The following EPS15 variants were observed in gnomAD, a reference collection of about 807,000 sequenced individuals.
The protein encoded by EPS15 is epidermal growth factor receptor pathway substrate 15, also known as epidermal growth factor receptor substrate 15.
EPS15 carries 72 observed loss-of-function variants against 113.8 expected under a neutral mutation model. The observed-to-expected ratio is 0.63, with a 90% CI of 0.52 to 0.77. EPS15 has a LOEUF of 0.77. Ranked by LOEUF, EPS15 falls within the 30% of genes least tolerant of loss-of-function variation. The pLI is 0.00. For synonymous variants in EPS15, 344 were observed against 363.4 expected (o/e 0.95, Z 0.61); for missense variants, 1,048 against 1,045.8 (o/e 1.00, Z -0.03).
At chr1:51,514,114 T>TA (rs1212668931) in intron 1 of EPS15, among the ~76,000 whole-genome samples, 2 of 152,086 alleles carry the variant, frequency 1.3e-5, no homozygotes, top group Non-Finnish European at 2.9e-5. Context: ...TTTGTCTAAA[T>TA]AAAAAAAGTT....
intron 1 of EPS15, chr1:51,518,429 C>G (rs570208010): frequency 2.6e-5 from 4 of 152,502 alleles, no homozygotes; most frequent in African/African-American, 9.7e-5. Flanking sequence ...AAGGGATCCA[C>G]CTGGACAGCG....
At chr1:51,394,225 T>C (rs1647676350) in intron 21 of EPS15, 156 bp downstream of exon 21, 2 of 498,532 alleles carry the variant, frequency 4.0e-6, no homozygotes, top group East Asian at 3.2e-5. Context: ...TAGAAAGTGA[T>C]ATACAAATGC....
chr1:51,385,802 A>G (rs941727316), intron 21 of EPS15, among the ~76,000 whole-genome samples: 3 of 152,214 alleles, frequency 2.0e-5, no homozygotes, highest in Non-Finnish European at 4.4e-5. Flanking sequence ...GTCAATCACC[A>G]AAATATGAAT....
At chr1:51,465,484 T>C (rs1450811146) in intron 5 of EPS15, among the ~76,000 whole-genome samples, 158 bp from the exon 6 acceptor site, 1 of 152,198 alleles carries the variant, frequency 6.6e-6, no homozygotes, top group East Asian at 1.9e-4. Flanking sequence ...TAAATAACAA[T>C]GAAACAAAGT....
intron 1 of EPS15, among the ~76,000 whole-genome samples, chr1:51,504,123 T>C (rs1163093640): frequency 6.6e-6 from 1 of 152,114 alleles, no homozygotes; most frequent in Non-Finnish European, 1.5e-5. Flanking sequence ...AATTATAAAC[T>C]TCAGGCCAGG....
At chr1:51,357,376 G>GAAAAAAAAAA (rs56655497) in intron 24 of EPS15, among the ~76,000 whole-genome samples, 1 of 33,120 alleles carries the variant, frequency 3.0e-5, no homozygotes, top group African/African-American at 1.9e-4. Context: ...GATTCCATCT[G>GAAAAAAAAAA]AAAAAAAAAA....
chr1:51,384,300 T>C (rs1360446736), intron 21 of EPS15, among the ~76,000 whole-genome samples: 3 of 141,266 alleles, frequency 2.1e-5, no homozygotes, highest in Admixed American at 7.0e-5. Context: ...CTTTCTTTCT[T>C]TTTTTTTTTT....
chr1:51,472,703 G>A (rs1216015856), intron 3 of EPS15, among the ~76,000 whole-genome samples, 156 bp downstream of exon 3: 2 of 152,130 alleles, frequency 1.3e-5, no homozygotes, highest in African/African-American at 2.4e-5. Flanking sequence ...AAATCACTAC[G>A]CTACAAATTC....
intron 19 of EPS15, among the ~76,000 whole-genome samples, chr1:51,399,793 C>T (rs1195084983): frequency 6.6e-6 from 1 of 151,720 alleles, no homozygotes; most frequent in South Asian, 2.1e-4. Flanking sequence ...GCATGGGAGG[C>T]GGAGGTTGCA....
chr1:51,363,660 G>A (rs1646439949), intron 23 of EPS15, among the ~76,000 whole-genome samples: 1 of 152,200 alleles, frequency 6.6e-6, no homozygotes, highest in Non-Finnish European at 1.5e-5. Context: ...TTAGCAGAAA[G>A]ACAGCTCATG....
Position 51,361,294 on chromosome 1 carries a change from C to G in EPS15, c.2421G>C (p.Gln807His). 1 of 1,613,906 alleles carries G rather than the reference C, an allele frequency of 6.2e-7. No homozygotes were observed. Among genetic ancestry groups the G allele is most frequent in the Non-Finnish European group, 8.5e-7 (1 of 1,179,870 alleles). ...PDPFKLNDPF[Q>H]PFPGNDSPKE... ...TGGGGCTATCGTTGCCTGGGAAAGG[C>G]TGAAATGGATCATTCAGTTTAAAGG... is the stretch of plus-strand genomic sequence containing the variant. Residue 807 changes from glutamine (Q) to histidine (H), a missense_variant, in exon 24 of 25, where the codon CAG becomes CAC. Transcript: ENST00000371733.
chr1:51,502,808 C>A (rs1198380258), intron 1 of EPS15, among the ~76,000 whole-genome samples: 1 of 152,040 alleles, frequency 6.6e-6, no homozygotes. Context: ...AGTCCGAAAG[C>A]AACCTGGCCA....
intron 20 of EPS15, among the ~76,000 whole-genome samples, chr1:51,397,943 T>C (rs1451870124): frequency 6.6e-6 from 1 of 152,162 alleles, no homozygotes. Flanking sequence ...ACCAAAAACC[T>C]GCAAAACCAT....
intron 1 of EPS15, among the ~76,000 whole-genome samples, chr1:51,492,710 A>G (rs1644256427): frequency 6.6e-6 from 1 of 152,038 alleles, no homozygotes; most frequent in South Asian, 2.1e-4. Context: ...AAAAAAACAA[A>G]CAAACAAACA....
chr1:51,357,392 ATATATATATATATATATAT>A (rs1646250115), intron 24 of EPS15, among the ~76,000 whole-genome samples: 1 of 59,092 alleles, frequency 1.7e-5, no homozygotes, highest in Admixed American at 2.9e-4. Flanking sequence ...AAAAAAAAAA[ATATATATATATATATATAT>A]ATATATATAT....
At chr1:51,472,204 G>A (rs1314998718) in intron 3 of EPS15, among the ~76,000 whole-genome samples, 20 of 152,222 alleles carry the variant, frequency 1.3e-4, no homozygotes, top group Admixed American at 1.3e-3. Context: ...AGGCACCAGG[G>A]AAAGAAGTGA....
intron 21 of EPS15, among the ~76,000 whole-genome samples, chr1:51,386,311 T>C (rs1226185456): frequency 6.6e-6 from 1 of 152,084 alleles, no homozygotes; most frequent in Non-Finnish European, 1.5e-5. Context: ...GGAAAGTAAG[T>C]GACAATGAAA....
intron 10 of EPS15, 30 bp from the exon 11 acceptor site, chr1:51,445,075 T>C: frequency 6.3e-7 from 1 of 1,587,806 alleles, no homozygotes; most frequent in Non-Finnish European, 8.6e-7. Flanking sequence ...GAATGGTATG[T>C]AAGTGCCACA....
At chr1:51,395,716 T>C (rs1490305663) in intron 20 of EPS15, among the ~76,000 whole-genome samples, 2 of 152,202 alleles carry the variant, frequency 1.3e-5, no homozygotes, top group East Asian at 1.9e-4. Flanking sequence ...GTCAAACAAA[T>C]TGTATATCTA....
Sources: allele counts gnomAD v4.1 joint callset (sites outside exome capture counted in the v4.1 genomes callset), GRCh38; gene constraint gnomAD v4.1.1; transcripts MANE v1.5; gene names NCBI Gene and HGNC (gene_info 2026-07-23, HGNC 2026-07-21).